The following SHLD1 variants were observed in gnomAD, a reference collection of about 807,000 sequenced individuals.
SHLD1 encodes the protein shieldin complex subunit 1.
Under a neutral mutation model 5.5 loss-of-function variants are expected in SHLD1, and 3 were observed. That is an observed-to-expected ratio of 0.54 (90% CI 0.25 to 1.40). SHLD1 has a LOEUF of 1.40. Among genes scored for constraint, SHLD1 ranks in the 40% most tolerant of loss-of-function variants. SHLD1 has a pLI of 0.15. For synonymous variants in SHLD1, 92 were observed against 94.3 expected, an observed-to-expected ratio of 0.98 and a Z score of 0.14; for missense variants, 210 against 244.4, an observed-to-expected ratio of 0.86 and a Z score of 0.94.
chr20:5,773,678 C>A (rs1304553248), intron 2 of SHLD1, among the ~76,000 whole-genome samples: 3 of 151,974 alleles, frequency 2.0e-5, no homozygotes, highest in Admixed American at 6.6e-5. Flanking sequence ...TTTGGTTAAT[C>A]CCCTGGGTTT....
At chr20:5,784,968 G>A (rs372213820) in intron 2 of SHLD1, among the ~76,000 whole-genome samples, 22 of 152,284 alleles carry the variant, frequency 1.4e-4, no homozygotes, top group Admixed American at 9.8e-4. Flanking sequence ...CTTATCTGCC[G>A]AGTCCAGGTG....
chr20:5,861,027 C>T (rs1339385389), intron 2 of SHLD1, among the ~76,000 whole-genome samples: 3 of 152,110 alleles, frequency 2.0e-5, no homozygotes, highest in South Asian at 2.1e-4. Context: ...CCTGGCCATT[C>T]TGAGTTCTCT....
chr20:5,776,498 C>T (rs1259662884), intron 2 of SHLD1, among the ~76,000 whole-genome samples: 2 of 152,162 alleles, frequency 1.3e-5, no homozygotes, highest in Admixed American at 1.3e-4. Context: ...CACAGTGGCT[C>T]ATGCCTGTAA....
chr20:5,759,995 C>A (rs928919982), intron 1 of SHLD1, among the ~76,000 whole-genome samples: 2 of 151,838 alleles, frequency 1.3e-5, no homozygotes, highest in African/African-American at 4.8e-5. Flanking sequence ...TTTATACACA[C>A]ACACACACAC....
At chr20:5,777,218 A>G (rs1176830749) in intron 2 of SHLD1, among the ~76,000 whole-genome samples, 1 of 152,022 alleles carries the variant, frequency 6.6e-6, no homozygotes, top group African/African-American at 2.4e-5. Flanking sequence ...TGAACTCCTG[A>G]CCTCAAGTGA....
In SHLD1 at chr20:5,766,088, C is replaced by T. The variant is rs144862392; in HGVS notation, c.-4-6774C>T. On this transcript the variant is annotated intron_variant, in intron 1 of 2. Coordinates refer to ENST00000303142, the MANE Select transcript of SHLD1 (RefSeq NM_152504.4). ...CACTCTCAGTTGATGGTTGATTTCACGGCACCTTTGCAGGCAGGCAGGATA... is the reference window on the plus strand; with the variant it reads ...CACTCTCAGTTGATGGTTGATTTCATGGCACCTTTGCAGGCAGGCAGGATA... 5.8e-4 allele frequency among the ~76,000 whole-genome samples: 88 copies of T among 152,248 alleles called. 2 individuals are homozygous for T. In the East Asian group the frequency reaches 0.014, roughly 25 times the overall value.
At chr20:5,804,362 T>C (rs1260294412) in intron 2 of SHLD1, among the ~76,000 whole-genome samples, 3 of 150,484 alleles carry the variant, frequency 2.0e-5, no homozygotes, top group Non-Finnish European at 4.4e-5. Context: ...TATATATATA[T>C]ATACAGTTAC....
At chr20:5,835,371 C>A (rs111435595) in intron 2 of SHLD1, among the ~76,000 whole-genome samples, 2,308 of 152,282 alleles carry the variant, frequency 0.015, 57 homozygotes, top group African/African-American at 0.052. Flanking sequence ...GAGACCATAG[C>A]TAGAACAGGG....
chr20:5,828,838 A>G (rs546027068), intron 2 of SHLD1, among the ~76,000 whole-genome samples: 41 of 152,198 alleles, frequency 2.7e-4, no homozygotes, highest in Non-Finnish European at 5.0e-4. Flanking sequence ...ATATCATTTC[A>G]CTAATGTGAT....
chr20:5,760,630 T>C (rs1600090862), intron 1 of SHLD1, among the ~76,000 whole-genome samples: 1 of 150,364 alleles, frequency 6.7e-6, no homozygotes, highest in Admixed American at 6.6e-5. Flanking sequence ...GAGGAGGAGG[T>C]TGCAGTGAGC....
chr20:5,800,085 G>C (rs1409449047), intron 2 of SHLD1, among the ~76,000 whole-genome samples: 2 of 152,144 alleles, frequency 1.3e-5, no homozygotes, highest in Non-Finnish European at 2.9e-5. Context: ...AACTGGGTAG[G>C]GGGCAGTGCT....
intron 1 of SHLD1, among the ~76,000 whole-genome samples, chr20:5,750,764 C>A (rs955237450): frequency 1.7e-4 from 26 of 151,594 alleles, no homozygotes; most frequent in Non-Finnish European, 1.9e-4. Context: ...TGCTAAAAAA[C>A]CAACAAACAA....
intron 1 of SHLD1, among the ~76,000 whole-genome samples, chr20:5,771,488 T>G (rs1985149976): frequency 6.6e-6 from 1 of 152,230 alleles, no homozygotes; most frequent in African/African-American, 2.4e-5. Context: ...GATGTCTTTG[T>G]GTAGGTTCTG....
chr20:5,860,876 T>TAAAAAAAA (rs10555301), intron 2 of SHLD1, among the ~76,000 whole-genome samples: 7 of 100,788 alleles, frequency 6.9e-5, no homozygotes, highest in Non-Finnish European at 1.3e-4. Context: ...TACTATTCTT[T>TAAAAAAAA]AAAAAAAAAA....
At chr20:5,810,631 C>T (rs538275927) in intron 2 of SHLD1, among the ~76,000 whole-genome samples, 6 of 152,034 alleles carry the variant, frequency 3.9e-5, no homozygotes, top group South Asian at 2.1e-4. Context: ...TGATGGCTCA[C>T]GCCTATAATC....
intron 2 of SHLD1, among the ~76,000 whole-genome samples, chr20:5,808,027 A>G (rs1272449688): frequency 1.3e-5 from 2 of 152,182 alleles, no homozygotes; most frequent in Non-Finnish European, 2.9e-5. Context: ...CATGCCTGTA[A>G]TCCCAGCCCT....
intron 2 of SHLD1, among the ~76,000 whole-genome samples, chr20:5,793,724 G>C (rs1239316276): frequency 1.3e-5 from 2 of 151,868 alleles, no homozygotes; most frequent in Non-Finnish European, 2.9e-5. Context: ...TTTCTCTCTG[G>C]TATTTTTTTT....
Position 5,773,030 on chromosome 20 carries a change from T to C in SHLD1, c.165T>C (p.Ser55=). 2.5e-6 allele frequency: 4 copies of C among 1,614,210 alleles called. No individual in the cohort carries two copies. The highest frequency in any genetic ancestry group is 3.4e-6 in the Non-Finnish European group (4 of 1,180,038). The part of the protein sequence containing the change: ...SLEFHSFPYS[S]DVDPDTSNLN... ...AATTCCATTCTTTTCCTTATTCTTCTGATGTGGATCCAGGTAATAAGCAGA... is the reference window on the plus strand; with the variant it reads ...AATTCCATTCTTTTCCTTATTCTTCCGATGTGGATCCAGGTAATAAGCAGA... The change falls in exon 2 of 3, where the codon TCT becomes TCC. Residue 55 remains serine (S), a synonymous_variant. Coordinates refer to ENST00000303142, the MANE Select transcript of SHLD1 (RefSeq NM_152504.4).
chr20:5,838,523 G>A (rs1381446970), intron 2 of SHLD1, among the ~76,000 whole-genome samples: 1 of 152,218 alleles, frequency 6.6e-6, no homozygotes, highest in East Asian at 1.9e-4. Flanking sequence ...CACTTTGGGA[G>A]GCCAAGGCAG....
Sources: gnomAD v4.1 joint callset for allele counts (sites outside exome capture counted in the v4.1 genomes callset) on GRCh38, gnomAD v4.1.1 for gene constraint, MANE v1.5 for transcripts, NCBI Gene and HGNC (gene_info 2026-07-23, HGNC 2026-07-21) for gene names.